The following TNFSF11 variants were observed in gnomAD, a reference collection of about 807,000 sequenced individuals.
TNFSF11 encodes the protein tumor necrosis factor ligand superfamily member 11.
A neutral mutation model predicts 32.2 loss-of-function variants in TNFSF11; 12 were observed. That is an observed-to-expected ratio of 0.37 (90% CI 0.24 to 0.60). The LOEUF (loss-of-function observed/expected upper bound fraction) is 0.60, where lower values mean the gene tolerates loss of function less well. Among genes scored for constraint, TNFSF11 ranks in the 20% least tolerant of loss-of-function variants. The pLI is 0.66. For synonymous variants in TNFSF11, 172 were observed against 152.1 expected (o/e 1.13, Z -0.96); for missense variants, 345 against 398.0 (o/e 0.87, Z 1.13).
intron 2 of TNFSF11, among the ~76,000 whole-genome samples, chr13:42,583,543 T>C (rs1230653251): frequency 6.6e-6 from 1 of 151,800 alleles, no homozygotes; most frequent in Non-Finnish European, 1.5e-5. Flanking sequence ...ATTATCATCT[T>C]ATAGATCCTG....
chr13:42,606,178 G>A (rs1869439304), intron 4 of TNFSF11, among the ~76,000 whole-genome samples: 2 of 152,150 alleles, frequency 1.3e-5, no homozygotes, highest in African/African-American at 4.8e-5. Context: ...GCTCCCATGG[G>A]AGTTACTGAA....
At chr13:42,591,649 A>G (rs1164018377) in intron 2 of TNFSF11, among the ~76,000 whole-genome samples, 1 of 152,174 alleles carries the variant, frequency 6.6e-6, no homozygotes, top group Non-Finnish European at 1.5e-5. Context: ...ATCCAGGTGC[A>G]TATATGTGTT....
Position 42,578,351 on chromosome 13 carries a change from T to C in TNFSF11, c.220-2775T>C, listed in dbSNP as rs1270432208. On this transcript the variant is annotated intron_variant, in intron 1 of 4. Transcript: ENST00000398795. ...CTCCCTGCTCTGCAGTTCCTTCAGC[T>C]TAGAGGCCCTCATTTACCTGTGTGT... 3.3e-5 allele frequency among the ~76,000 whole-genome samples: 5 copies of C among 152,290 alleles called. No individual in the cohort carries two copies. The East Asian group carries it at 9.6e-4, about 29-fold the overall frequency.
intron 2 of TNFSF11, among the ~76,000 whole-genome samples, chr13:42,585,844 A>T (rs1425170106): frequency 2.0e-5 from 3 of 152,216 alleles, no homozygotes; most frequent in Non-Finnish European, 4.4e-5. Flanking sequence ...TTAATTTCAC[A>T]TTGGGTACCT....
At chr13:42,589,512 G>A (rs1874062778) in intron 2 of TNFSF11, among the ~76,000 whole-genome samples, 1 of 152,194 alleles carries the variant, frequency 6.6e-6, no homozygotes, top group South Asian at 2.1e-4. Flanking sequence ...CGCTGTGGTT[G>A]TCAGGATGAA....
chr13:42,600,630 T>TA, intron 2 of TNFSF11, 122 bp from the exon 3 acceptor site: 1 of 1,075,722 alleles, frequency 9.3e-7, no homozygotes, highest in Non-Finnish European at 1.3e-6. Context: ...CTGCCAATGT[T>TA]ACTATGGCAC....
Position 42,607,052 on chromosome 13 carries a change from G to T in TNFSF11, c.*134G>T. The T allele has an allele frequency of 1.8e-6, 2 of 1,126,698 alleles. No homozygotes were observed. Among genetic ancestry groups the T allele is most frequent in the Non-Finnish European group, 2.6e-6 (2 of 775,656 alleles). The allele number at this position is 1,126,698 out of a possible 1,614,324, so 69.8% of individuals were successfully genotyped here. A position where few individuals can be genotyped will look rare whatever the true frequency, so the allele number is the denominator to read the frequency against. On this transcript the variant is annotated 3_prime_UTR_variant, in exon 5 of 5. Coordinates refer to ENST00000398795, the MANE Select transcript of TNFSF11 (RefSeq NM_003701.4). ...CAACGGTACACGACTCAGTATCCAT[G>T]CTCTTGACCTTGTAGAGAACACGCG...
chr13:42,570,109 G>C (rs1056701717), upstream of TNFSF11, among the ~76,000 whole-genome samples: 1 of 152,064 alleles, frequency 6.6e-6, no homozygotes, highest in African/African-American at 2.4e-5. Flanking sequence ...AAATTTTGAA[G>C]AATGTAAAAG....
At chr13:42,604,166 A>G (rs1869326133) in intron 4 of TNFSF11, among the ~76,000 whole-genome samples, 1 of 152,210 alleles carries the variant, frequency 6.6e-6, no homozygotes, top group East Asian at 1.9e-4. Context: ...TCATTGATTG[A>G]ACAACAAATT....
intron 1 of TNFSF11, among the ~76,000 whole-genome samples, chr13:42,565,392 T>C (rs2137840889): frequency 6.6e-6 from 1 of 152,222 alleles, no homozygotes; most frequent in East Asian, 1.9e-4. Flanking sequence ...TTGCATCTTT[T>C]AGGTTCTATT....
intron 1 of TNFSF11, among the ~76,000 whole-genome samples, 193 bp from the exon 2 acceptor site, chr13:42,580,933 T>C (rs1388968328): frequency 2.6e-5 from 4 of 152,364 alleles, no homozygotes; most frequent in Non-Finnish European, 4.4e-5. Context: ...CTGTGGATGA[T>C]AGTCAGTTAC....
intron 2 of TNFSF11, among the ~76,000 whole-genome samples, chr13:42,592,487 CCT>C (rs1868542609): frequency 1.3e-5 from 2 of 152,192 alleles, no homozygotes; most frequent in African/African-American, 4.8e-5. Flanking sequence ...AGCCTCCTTG[CCT>C]CTCAGGGCAT....
chr13:42,598,144 G>T (rs1309015116), intron 2 of TNFSF11, among the ~76,000 whole-genome samples: 1 of 152,092 alleles, frequency 6.6e-6, no homozygotes, highest in Non-Finnish European at 1.5e-5. Context: ...ATCATGCCTG[G>T]CCTGGCTTTC....
chr13:42,574,631 T>A, intron 1 of TNFSF11, 109 bp downstream of exon 1: 1 of 1,332,632 alleles, frequency 7.5e-7, no homozygotes, highest in Non-Finnish European at 1.0e-6. Flanking sequence ...GCTTGCATAT[T>A]CCGGAAGGGA....
intron 2 of TNFSF11, among the ~76,000 whole-genome samples, chr13:42,585,793 AC>A (rs1873868141): frequency 6.6e-6 from 1 of 152,162 alleles, no homozygotes; most frequent in Non-Finnish European, 1.5e-5. Context: ...CATTCTGAGC[AC>A]TTGAGCTGTG....
intron 2 of TNFSF11, among the ~76,000 whole-genome samples, chr13:42,582,076 C>A (rs1266670472): frequency 1.3e-5 from 2 of 152,214 alleles, no homozygotes; most frequent in Admixed American, 1.3e-4. Flanking sequence ...TACCTGCATG[C>A]ATGCATCCAC....
chr13:42,601,613 G>A (rs1356470029), intron 4 of TNFSF11, among the ~76,000 whole-genome samples: 1 of 152,128 alleles, frequency 6.6e-6, no homozygotes, highest in African/African-American at 2.4e-5. Context: ...ACTTCACCAT[G>A]GGCTAGATAG....
upstream of TNFSF11, among the ~76,000 whole-genome samples, chr13:42,569,678 G>A (rs1384615536): frequency 6.6e-6 from 1 of 152,144 alleles, no homozygotes; most frequent in African/African-American, 2.4e-5. Context: ...GGAGATGAAG[G>A]AACCAAGGAA....
At chr13:42,599,197 A>C (rs1205664941) in intron 2 of TNFSF11, among the ~76,000 whole-genome samples, 1 of 152,238 alleles carries the variant, frequency 6.6e-6, no homozygotes, top group East Asian at 1.9e-4. Flanking sequence ...GTCATTAAAA[A>C]CAACGTAGAT....
Sources: allele counts gnomAD v4.1 joint callset (sites outside exome capture counted in the v4.1 genomes callset), GRCh38; gene constraint gnomAD v4.1.1; transcripts MANE v1.5; gene names NCBI Gene and HGNC (gene_info 2026-07-23, HGNC 2026-07-21).